ITPR1: variants seen among roughly 807,000 people sequenced by gnomAD.
ITPR1 encodes the protein inositol 1,4,5-trisphosphate-gated calcium channel ITPR1.
Under a neutral mutation model 318.4 loss-of-function variants are expected in ITPR1, and 96 were observed. That is an observed-to-expected ratio of 0.30 (90% CI 0.26 to 0.36). The LOEUF is 0.36. Ranked by LOEUF, ITPR1 falls within the 10% of genes least tolerant of loss-of-function variation. The pLI, the probability that ITPR1 is intolerant of heterozygous loss-of-function variation, is 1.00. For synonymous variants in ITPR1, 1,312 were observed against 1,289.9 expected (o/e 1.02, Z -0.37); for missense variants, 2,440 against 3,460.2 (o/e 0.71, Z 7.40).
intron 52 of ITPR1, among the ~76,000 whole-genome samples, chr3:4,794,500 A>C (rs1329613437): frequency 6.6e-6 from 1 of 152,194 alleles, no homozygotes; most frequent in African/African-American, 2.4e-5. Flanking sequence ...CAATGCCGGG[A>C]AAGGAATCAT....
intron 4 of ITPR1, among the ~76,000 whole-genome samples, chr3:4,597,049 G>A (rs1273431454): frequency 6.6e-6 from 1 of 152,236 alleles, no homozygotes; most frequent in Non-Finnish European, 1.5e-5. Flanking sequence ...AAGGAACTAT[G>A]TGGCCTGTCT....
chr3:4,808,854 G>A (rs1436839287), intron 55 of ITPR1, among the ~76,000 whole-genome samples: 4 of 151,902 alleles, frequency 2.6e-5, no homozygotes, highest in Non-Finnish European at 5.9e-5. Flanking sequence ...TAATTAAACT[G>A]CTGCCCCCCC....
intron 13 of ITPR1, 24 bp downstream of exon 13, chr3:4,658,302 C>T: frequency 1.3e-6 from 2 of 1,590,448 alleles, no homozygotes; most frequent in South Asian, 1.1e-5. Flanking sequence ...ATTGCTTTTC[C>T]CCAAAGAATC....
At chr3:4,822,243 C>T (rs2049776767) in intron 60 of ITPR1, among the ~76,000 whole-genome samples, 2 of 152,120 alleles carry the variant, frequency 1.3e-5, no homozygotes, top group African/African-American at 2.4e-5. Flanking sequence ...AGCAACAGGC[C>T]CAGAGCACAG....
intron 20 of ITPR1, 104 bp from the exon 21 acceptor site, chr3:4,673,032 G>T: frequency 7.9e-7 from 1 of 1,273,236 alleles, no homozygotes; most frequent in Non-Finnish European, 1.1e-6. Context: ...GAGTTTAGTT[G>T]GCCAAATGTC....
chr3:4,751,199 G>C (rs537689935), intron 44 of ITPR1: 1 of 152,682 alleles, frequency 6.5e-6, no homozygotes, highest in East Asian at 1.9e-4. Context: ...GAAAACAAGA[G>C]AATGGGTTTA....
rs1247020135 is a variant in ITPR1 at position 4,653,804 on chromosome 3, A to G, written c.952-38A>G. On this transcript the variant is annotated intron_variant, in intron 11 of 61. Transcript: ENST00000649015. ...GTGGGGCCCAGTCCTTAAGAAAGCA[A>G]TGGATGTTTTAATTTCCTAATGATT... The G allele has an allele frequency of 4.0e-6, 6 of 1,517,212 alleles. No individual in the cohort carries two copies. The East Asian group carries it at 6.9e-5, about 17-fold the overall frequency. The allele number at this position is 1,517,212 out of a possible 1,614,324, so 94.0% of individuals were successfully genotyped here. A position where few individuals can be genotyped will look rare whatever the true frequency, so the allele number is the denominator to read the frequency against.
At chr3:4,587,281 T>G (rs1298398874) in intron 4 of ITPR1, among the ~76,000 whole-genome samples, 1 of 150,394 alleles carries the variant, frequency 6.6e-6, no homozygotes, top group Admixed American at 6.6e-5. Flanking sequence ...GTTTTTTTTT[T>G]TTTTTTTTTT....
chr3:4,685,561 T>C (rs2125236321), intron 30 of ITPR1, among the ~76,000 whole-genome samples: 1 of 152,344 alleles, frequency 6.6e-6, no homozygotes, highest in Non-Finnish European at 1.5e-5. Flanking sequence ...ACTCAACCAA[T>C]TTAAGTATCA....
At chr3:4,500,838 G>A (rs888179317) in intron 2 of ITPR1, among the ~76,000 whole-genome samples, 2 of 152,034 alleles carry the variant, frequency 1.3e-5, no homozygotes, top group Non-Finnish European at 2.9e-5. Flanking sequence ...AATCAATTTA[G>A]TGGGCCTTGA....
At chr3:4,572,788 G>A (rs1176244816) in intron 4 of ITPR1, among the ~76,000 whole-genome samples, 1 of 152,068 alleles carries the variant, frequency 6.6e-6, no homozygotes, top group Non-Finnish European at 1.5e-5. Context: ...CTACATTCTG[G>A]TGTCTATGAA....
chr3:4,643,252 A>C (rs2093378282), intron 7 of ITPR1, among the ~76,000 whole-genome samples: 1 of 152,246 alleles, frequency 6.6e-6, no homozygotes, highest in South Asian at 2.1e-4. Flanking sequence ...GAGAAAATTC[A>C]ATTGTATATG....
intron 24 of ITPR1, among the ~76,000 whole-genome samples, chr3:4,678,627 G>T (rs1461641566): frequency 1.3e-5 from 2 of 152,216 alleles, no homozygotes; most frequent in Non-Finnish European, 2.9e-5. Flanking sequence ...AAAACCACCA[G>T]AAAGTTCTTC....
chr3:4,753,719 G>A (rs2044725352), intron 44 of ITPR1, among the ~76,000 whole-genome samples: 1 of 152,114 alleles, frequency 6.6e-6, no homozygotes, highest in Admixed American at 6.5e-5. Context: ...CGGCCTGAGT[G>A]GATTTATTTT....
intron 47 of ITPR1, among the ~76,000 whole-genome samples, chr3:4,776,031 C>G (rs2046462580): frequency 6.6e-6 from 1 of 152,166 alleles, no homozygotes; most frequent in Admixed American, 6.5e-5. Flanking sequence ...TACATGGCAT[C>G]TTAAGGATTT....
chr3:4,678,065 C>A (rs1485015525), intron 24 of ITPR1, among the ~76,000 whole-genome samples: 1 of 152,032 alleles, frequency 6.6e-6, no homozygotes, highest in Non-Finnish European at 1.5e-5. Flanking sequence ...TGATCTCAAC[C>A]CCAACAGATG....
intron 12 of ITPR1, among the ~76,000 whole-genome samples, chr3:4,656,595 C>T (rs1268801328): frequency 2.0e-5 from 3 of 152,180 alleles, no homozygotes; most frequent in African/African-American, 7.2e-5. Flanking sequence ...AAAAAACACA[C>T]ATAGAGGTTG....
At chr3:4,679,473 T>C (rs2094253607) in intron 24 of ITPR1, among the ~76,000 whole-genome samples, 1 of 152,152 alleles carries the variant, frequency 6.6e-6, no homozygotes, top group Non-Finnish European at 1.5e-5. Flanking sequence ...CCGGAGAACC[T>C]GGAGCTCTGA....
intron 60 of ITPR1, among the ~76,000 whole-genome samples, chr3:4,829,805 A>G (rs1339350328): frequency 6.6e-6 from 1 of 152,088 alleles, no homozygotes; most frequent in Non-Finnish European, 1.5e-5. Context: ...AGAATATCAC[A>G]CAGAATAGTT....
Sources: allele counts gnomAD v4.1 joint callset (sites outside exome capture counted in the v4.1 genomes callset), GRCh38; gene constraint gnomAD v4.1.1; transcripts MANE v1.5; gene names NCBI Gene and HGNC (gene_info 2026-07-23, HGNC 2026-07-21).